Variants in GTF2A2 observed in about 807,000 individuals in gnomAD.
The protein encoded by GTF2A2 is transcription initiation factor IIA subunit 2.
GTF2A2 carries 9 observed loss-of-function variants against 14.3 expected under a neutral mutation model. The ratio of observed to expected loss-of-function variants is 0.63; its 90% confidence interval spans 0.38 to 1.10. The LOEUF is 1.10. Ranked by LOEUF, GTF2A2 falls within the 50% of genes least tolerant of loss-of-function variation. GTF2A2 has a pLI of 0.01. For missense variants in GTF2A2, 90 were observed against 124.6 expected, an observed-to-expected ratio of 0.72 and a Z score of 1.32; for synonymous variants, 56 against 46.0, an observed-to-expected ratio of 1.22 and a Z score of -0.88.
At chr15:59,656,914 G>T (rs531168784) in intron 1 of GTF2A2, 3 of 152,224 alleles carry the variant, frequency 2.0e-5, no homozygotes, top group Non-Finnish European at 4.4e-5. Flanking sequence ...CAGAAAATTA[G>T]AAGTCAAATT....
At chr15:59,651,666 T>C (rs966502966) in intron 2 of GTF2A2, 5 of 152,156 alleles carry the variant, frequency 3.3e-5, no homozygotes, top group African/African-American at 1.2e-4. Context: ...AATTTTTATG[T>C]TGAACAAAAA....
At chr15:59,653,727 C>T (rs1185333631) in intron 1 of GTF2A2, among the ~76,000 whole-genome samples, 1 of 152,166 alleles carries the variant, frequency 6.6e-6, no homozygotes, top group Non-Finnish European at 1.5e-5. Flanking sequence ...ATATATAAAA[C>T]TGCCTGCTTG....
chr15:59,646,060 T>C (rs528976329), intron 3 of GTF2A2, among the ~76,000 whole-genome samples: 17 of 151,734 alleles, frequency 1.1e-4, no homozygotes, highest in African/African-American at 4.1e-4. Context: ...GTGTGTATAT[T>C]ACTTTTTTTG....
rs1216892854 is a variant in GTF2A2 at position 59,648,130 on chromosome 15, CG to C, written c.177+2538del. On this transcript the variant is annotated intron_variant, in intron 3 of 4. Coordinates refer to ENST00000396060, the MANE Select transcript of GTF2A2 (RefSeq NM_004492.3). ...GGCTCTTTAAAAGCCTAGTTATGGC[CG>C]GGTGCGGTACCTCACGCCTGTAATT... 8.6e-5 allele frequency among the ~76,000 whole-genome samples: 13 copies of C among 151,838 alleles called. No homozygotes were observed. The East Asian group carries it at 2.1e-3, about 25-fold the overall frequency.
chr15:59,648,401 C>CAAAAAAAAAAAAA (rs71425875), intron 3 of GTF2A2, among the ~76,000 whole-genome samples: 1 of 90,564 alleles, frequency 1.1e-5, no homozygotes, highest in Admixed American at 1.4e-4. Context: ...GACTTCGTCT[C>CAAAAAAAAAAAAA]AAAAAAAAAA....
chr15:59,641,495 T>C (rs1891426230), intron 4 of GTF2A2, among the ~76,000 whole-genome samples: 1 of 152,216 alleles, frequency 6.6e-6, no homozygotes, highest in Non-Finnish European at 1.5e-5. Context: ...GTCTTTTCTA[T>C]TTACTTTCTG....
chr15:59,654,945 A>G (rs566457174), intron 1 of GTF2A2, among the ~76,000 whole-genome samples: 1 of 152,334 alleles, frequency 6.6e-6, no homozygotes, highest in East Asian at 1.9e-4. Context: ...GTTGGTGCTC[A>G]AAGTTTTGGA....
At chr15:59,657,012 A>G (rs1334835800) in intron 1 of GTF2A2, 1 of 152,256 alleles carries the variant, frequency 6.6e-6, no homozygotes, top group Middle Eastern at 3.2e-3. Flanking sequence ...AGAAAGTTGG[A>G]AGGCAGACTT....
intron 2 of GTF2A2, 96 bp downstream of exon 2, chr15:59,652,110 A>G: frequency 2.7e-6 from 2 of 732,020 alleles, no homozygotes; most frequent in South Asian, 1.7e-5. Context: ...ATAGTCCAAG[A>G]TATTTTACCT....
chr15:59,649,567 G>A (rs1357245845), intron 3 of GTF2A2, among the ~76,000 whole-genome samples: 2 of 152,036 alleles, frequency 1.3e-5, no homozygotes, highest in East Asian at 1.9e-4. Flanking sequence ...AACTAATTTT[G>A]GCAGAATCAT....
chr15:59,640,872 G>A (rs1336435794), intron 4 of GTF2A2, among the ~76,000 whole-genome samples: 2 of 150,648 alleles, frequency 1.3e-5, no homozygotes, highest in Admixed American at 6.6e-5. Context: ...TTGCTGTAAT[G>A]ACAAAGATGT....
chr15:59,648,281 GC>G (rs1349488709), intron 3 of GTF2A2, among the ~76,000 whole-genome samples: 4 of 151,318 alleles, frequency 2.6e-5, no homozygotes, highest in African/African-American at 9.7e-5. Flanking sequence ...TGTGGCGTGT[GC>G]CTGTAATCCC....
intron 2 of GTF2A2, chr15:59,651,995 T>C (rs567773489): frequency 6.4e-5 from 29 of 454,898 alleles, no homozygotes; most frequent in East Asian, 4.4e-4. Context: ...GATTTAGCTA[T>C]ATTTAATGAT....
At position 59,651,539 on chromosome 15, in the gene GTF2A2, G is replaced by C. The variant is rs555922616; in HGVS notation, c.72+667C>G. ...CAGAAGGGTTAATTCTCTTAAAATT[G>C]AAATATAAATTCAGACTTGTAAATC... On this transcript the variant is annotated intron_variant, in intron 2 of 4. Coordinates refer to ENST00000396060, the MANE Select transcript of GTF2A2 (RefSeq NM_004492.3). The C allele has an allele frequency of 2.0e-5, 3 of 152,268 alleles. No homozygotes were observed. In the South Asian group the frequency reaches 6.2e-4, roughly 32 times the overall value. 9.4% of individuals were successfully genotyped at this position (152,268 alleles called of 1,614,324 possible). A position where few individuals can be genotyped will look rare whatever the true frequency, so the allele number is the denominator to read the frequency against.
At chr15:59,639,549 C>T (rs1021397862) in intron 4 of GTF2A2, among the ~76,000 whole-genome samples, 1 of 150,584 alleles carries the variant, frequency 6.6e-6, no homozygotes, top group Non-Finnish European at 1.5e-5. Flanking sequence ...CAGGCTCTGC[C>T]CCCCGGGGGT....
At chr15:59,650,604 T>TAA in intron 3 of GTF2A2, 65 bp downstream of exon 3, 4 of 879,282 alleles carry the variant, frequency 4.5e-6, no homozygotes, top group South Asian at 1.5e-5. Context: ...GTAGGGGTCC[T>TAA]AAAAAAAAAT....
At chr15:59,639,457 G>C (rs991414776) in intron 4 of GTF2A2, among the ~76,000 whole-genome samples, 16 of 118,474 alleles carry the variant, frequency 1.4e-4, no homozygotes, top group South Asian at 3.1e-4. Context: ...GTCCTTTACT[G>C]TCCCAAATTT....
At chr15:59,648,710 A>G (rs1349726610) in intron 3 of GTF2A2, among the ~76,000 whole-genome samples, 7 of 152,056 alleles carry the variant, frequency 4.6e-5, no homozygotes, top group Admixed American at 2.6e-4. Context: ...CGAGGTGGGC[A>G]GATCACGAGG....
At chr15:59,644,167 T>A (rs1485840897) in intron 3 of GTF2A2, 1 of 152,250 alleles carries the variant, frequency 6.6e-6, no homozygotes, top group Non-Finnish European at 1.5e-5. Flanking sequence ...AGTGCTGGGA[T>A]TACATGTGTG....
Sources: allele counts gnomAD v4.1 joint callset (sites outside exome capture counted in the v4.1 genomes callset), GRCh38; gene constraint gnomAD v4.1.1; transcripts MANE v1.5; gene names NCBI Gene and HGNC (gene_info 2026-07-23, HGNC 2026-07-21).